WWOX: variants seen among roughly 807,000 people sequenced by gnomAD.
WWOX encodes the protein WW domain-containing oxidoreductase.
A neutral mutation model predicts 46.2 loss-of-function variants in WWOX; 69 were observed. The ratio of observed to expected loss-of-function variants is 1.49; its 90% CI spans 1.23 to 1.82. WWOX has a LOEUF of 1.82. WWOX is among the 40% of genes most tolerant of loss of function. WWOX has a pLI of 0.00. For synonymous variants in WWOX, 359 were observed against 202.6 expected (o/e 1.77, Z -6.56); for missense variants, 919 against 542.6 (o/e 1.69, Z -6.89).
chr16:78,556,219 C>A (rs984043038), intron 8 of WWOX, among the ~76,000 whole-genome samples: 1 of 149,214 alleles, frequency 6.7e-6, no homozygotes, highest in African/African-American at 2.5e-5. Flanking sequence ...GCATCAGATG[C>A]AAGGGAGTTT....
chr16:78,304,276 C>T (rs1299230658), intron 5 of WWOX, among the ~76,000 whole-genome samples: 1 of 152,214 alleles, frequency 6.6e-6, no homozygotes, highest in Non-Finnish European at 1.5e-5. Flanking sequence ...CTTTTACTTT[C>T]TACCTTTTTG....
At chr16:78,480,983 C>T (rs2084471993) in intron 8 of WWOX, among the ~76,000 whole-genome samples, 1 of 152,214 alleles carries the variant, frequency 6.6e-6, no homozygotes, top group Non-Finnish European at 1.5e-5. Flanking sequence ...ATTGGTACTT[C>T]ACCTACTCCT....
intron 8 of WWOX, among the ~76,000 whole-genome samples, chr16:79,058,044 A>G (rs2150542693): frequency 6.6e-6 from 1 of 152,058 alleles, no homozygotes; most frequent in East Asian, 1.9e-4. Context: ...GTGATTTTGA[A>G]AACATCACTT....
chr16:78,406,642 TG>T (rs1476100605), intron 6 of WWOX, among the ~76,000 whole-genome samples: 1 of 149,730 alleles, frequency 6.7e-6, no homozygotes. Context: ...TTTTTTTTTT[TG>T]AGAGATGGAG....
At chr16:79,106,884 T>G (rs2049321214) in intron 8 of WWOX, 1 of 145,586 alleles carries the variant, frequency 6.9e-6, no homozygotes, top group South Asian at 2.4e-4. Context: ...CTCTGCTCAC[T>G]ACAACATCTG....
At chr16:78,233,289 T>C (rs1005472995) in intron 5 of WWOX, among the ~76,000 whole-genome samples, 1 of 144,976 alleles carries the variant, frequency 6.9e-6, no homozygotes, top group Non-Finnish European at 1.5e-5. Flanking sequence ...AATAGCCACG[T>C]AGAGGACATT....
intron 5 of WWOX, among the ~76,000 whole-genome samples, chr16:78,348,872 G>C (rs1326862486): frequency 1.7e-5 from 2 of 119,084 alleles, no homozygotes; most frequent in African/African-American, 2.9e-5. Flanking sequence ...GAGTTTTTGT[G>C]GTGGTGATAC....
chr16:78,527,991 C>CTTTTTTTTTTTTTTTTTTTTTTTTT lies in WWOX; in HGVS notation c.1056+95240_1056+95264dup, dbSNP rs71140808. Among the ~76,000 whole-genome samples, 46 of 34,880 alleles carry CTTTTTTTTTTTTTTTTTTTTTTTTT rather than the reference C, an allele frequency of 1.3e-3. 8 individuals carry two copies. The highest frequency in any genetic ancestry group is 2.0e-3 in the Admixed American group (4 of 1,992). 22.9% of individuals were successfully genotyped at this position (34,880 alleles called of 152,430 possible). ...CTATGTCACAGGACTGGTACATGTC[C>CTTTTTTTTTTTTTTTTTTTTTTTTT]TTTTTTTTTTTTTTTTTTTTTTTTT... On this transcript the variant is annotated intron_variant, in intron 8 of 8. Coordinates refer to ENST00000566780, the MANE Select transcript of WWOX (RefSeq NM_016373.4).
chr16:79,063,531 G>C (rs910642544), intron 8 of WWOX, among the ~76,000 whole-genome samples: 9 of 152,132 alleles, frequency 5.9e-5, no homozygotes, highest in Non-Finnish European at 1.2e-4. Context: ...GCAGTGTTTG[G>C]GCCCCTTTCA....
chr16:79,090,280 CGTGTGTGTGTGTGTGTGTGTGTGT>C (rs61538157), intron 8 of WWOX, among the ~76,000 whole-genome samples: 2 of 138,284 alleles, frequency 1.4e-5, no homozygotes, highest in African/African-American at 2.7e-5. Flanking sequence ...CTACTGTGTG[CGTGTGTGTGTGTGTGTGTGTGTGT>C]GTGTGTGTGT....
chr16:79,053,502 A>C (rs2048207758), intron 8 of WWOX, among the ~76,000 whole-genome samples: 1 of 152,238 alleles, frequency 6.6e-6, no homozygotes, highest in African/African-American at 2.4e-5. Flanking sequence ...AAGGTAATGT[A>C]AATGTGTTGC....
At chr16:79,206,352 G>C (rs999104604) in intron 8 of WWOX, 8 of 152,208 alleles carry the variant, frequency 5.3e-5, no homozygotes, top group Non-Finnish European at 1.0e-4. Context: ...CAGGTTTCAT[G>C]TACCAACGGA....
chr16:78,622,030 G>T (rs1018016224), intron 8 of WWOX, among the ~76,000 whole-genome samples: 1 of 152,134 alleles, frequency 6.6e-6, no homozygotes, highest in Admixed American at 6.5e-5. Context: ...GAAAGTTTTG[G>T]CTACCCAGTT....
Position 78,432,571 on chromosome 16 carries a change from C to T in WWOX, c.875C>T (p.Ala292Val). The change falls in exon 8 of 9, where the codon GCT (alanine) becomes GTT (valine). Residue 292 changes from alanine to valine, a missense_variant. Ala to Val is a moderately conservative substitution (Grantham distance 64). Transcript: ENST00000566780. Reference sequence around the variant, plus strand: ...AAAAACGACTATTGGGCGATGCTGGCTTATAACAGGTCCAAGCTCTGCAAC... The same window carrying T: ...AAAAACGACTATTGGGCGATGCTGGTTTATAACAGGTCCAAGCTCTGCAAC... ...PTKNDYWAML[A>V]YNRSKLCNIL... The T allele has an allele frequency of 1.2e-6, 2 of 1,614,188 alleles. No individual in the cohort carries two copies. The highest frequency in any genetic ancestry group is 1.7e-6 in the Non-Finnish European group (2 of 1,180,028).
At chr16:78,123,080 A>G (rs1443434246) in intron 4 of WWOX, among the ~76,000 whole-genome samples, 1 of 152,108 alleles carries the variant, frequency 6.6e-6, no homozygotes, top group Non-Finnish European at 1.5e-5. Context: ...AATGTCTTTT[A>G]CTTTTCTAAC....
intron 8 of WWOX, among the ~76,000 whole-genome samples, chr16:79,178,058 A>C (rs546150540): frequency 2.0e-5 from 3 of 152,158 alleles, no homozygotes; most frequent in Admixed American, 1.3e-4. Flanking sequence ...TTAGAAAGGC[A>C]CAAATCCACT....
chr16:78,205,983 T>C (rs1036391808), intron 5 of WWOX, among the ~76,000 whole-genome samples: 6 of 151,762 alleles, frequency 4.0e-5, no homozygotes, highest in Admixed American at 1.3e-4. Context: ...CTTTCCTCCC[T>C]CCCTTCCTCC....
At chr16:78,753,318 C>CA (rs1186939301) in intron 8 of WWOX, among the ~76,000 whole-genome samples, 23 of 144,544 alleles carry the variant, frequency 1.6e-4, no homozygotes, top group South Asian at 1.3e-3. Flanking sequence ...GACTCCGTCT[C>CA]AAAAAAAAAG....
intron 8 of WWOX, among the ~76,000 whole-genome samples, chr16:78,936,726 TC>T (rs2045745514): frequency 6.6e-6 from 1 of 152,036 alleles, no homozygotes; most frequent in South Asian, 2.1e-4. Context: ...AATCACAGTT[TC>T]CAGAAAATGG....
Sources: gnomAD v4.1 joint callset for allele counts (sites outside exome capture counted in the v4.1 genomes callset) on GRCh38, gnomAD v4.1.1 for gene constraint, MANE v1.5 for transcripts, NCBI Gene and HGNC (gene_info 2026-07-23, HGNC 2026-07-21) for gene names.